Variants in AASS observed in about 807,000 individuals in gnomAD.
AASS encodes aminoadipate-semialdehyde synthase, also known as alpha-aminoadipic semialdehyde synthase, mitochondrial.
AASS carries 86 observed loss-of-function variants against 105.4 expected under a neutral mutation model. The ratio of observed to expected loss-of-function variants is 0.82; its 90% CI spans 0.69 to 0.98. AASS has a LOEUF of 0.98. Ranked by LOEUF, AASS falls within the 50% of genes least tolerant of loss-of-function variation. The probability of loss-of-function intolerance (pLI) is 0.00; values close to 1 mark genes in which losing one functional copy is unlikely to be tolerated. For synonymous variants in AASS, 381 were observed against 394.8 expected (o/e 0.96, Z 0.41); for missense variants, 1,048 against 1,143.2 (o/e 0.92, Z 1.20).
intron 19 of AASS, chr7:122,082,956 A>C: frequency 2.9e-6 from 3 of 1,019,166 alleles, no homozygotes; most frequent in Non-Finnish European, 4.0e-6. Flanking sequence ...GAAAGACCAT[A>C]ATGGTTTATT....
rs118078024 is a variant in AASS at position 122,099,996 on chromosome 7, C to A, written c.1407-1130G>T. Among the ~76,000 whole-genome samples the A allele has an allele frequency of 1.0e-3, 157 of 151,880 alleles. 1 individual carries two copies. The highest frequency in any genetic ancestry group is 2.0e-3 in the Non-Finnish European group (137 of 67,808). On this transcript the variant is annotated intron_variant, in intron 13 of 23. Transcript: ENST00000417368. ...CAAATGCTCAAAACAGAAACTCACTCCTAGATTCTAATACTGTCCAGCCCA... is the reference window on the plus strand; with the variant it reads ...CAAATGCTCAAAACAGAAACTCACTACTAGATTCTAATACTGTCCAGCCCA...
intron 8 of AASS, among the ~76,000 whole-genome samples, chr7:122,115,810 T>C (rs1403450056): frequency 6.6e-6 from 1 of 152,188 alleles, no homozygotes; most frequent in Non-Finnish European, 1.5e-5. Context: ...TAAAGATTTC[T>C]TAGATTCCAA....
intron 3 of AASS, among the ~76,000 whole-genome samples, chr7:122,128,874 T>C (rs1236924645): frequency 1.3e-5 from 2 of 152,074 alleles, no homozygotes; most frequent in African/African-American, 4.8e-5. Flanking sequence ...GTCAGGAGAT[T>C]GAGACGATCC....
chr7:122,116,564 T>G lies in AASS; in HGVS notation c.894+69A>C, dbSNP rs1795186971. Reference sequence around the variant, plus strand: ...AAGCCATTGTACAATTCATAATTTCTCTCCTTGAAAATAGCCTACCTACAC... The same window carrying G: ...AAGCCATTGTACAATTCATAATTTCGCTCCTTGAAAATAGCCTACCTACAC... On this transcript the variant is annotated intron_variant, in intron 8 of 23. Transcript: ENST00000417368. 3 of 1,595,754 alleles carry G rather than the reference T, an allele frequency of 1.9e-6. No individual in the cohort carries two copies. The South Asian group carries it at 3.3e-5, about 18-fold the overall frequency.
intron 4 of AASS, among the ~76,000 whole-genome samples, chr7:122,125,474 C>T (rs1207871491): frequency 1.3e-5 from 2 of 152,090 alleles, no homozygotes; most frequent in African/African-American, 2.4e-5. Context: ...AAGAATACAC[C>T]GAACAAAAGA....
At chr7:122,081,339 A>T (rs1793310981) in intron 20 of AASS, among the ~76,000 whole-genome samples, 161 bp downstream of exon 20, 1 of 152,196 alleles carries the variant, frequency 6.6e-6, no homozygotes, top group Non-Finnish European at 1.5e-5. Flanking sequence ...CCATTCTTCC[A>T]CAACAGTGAA....
chr7:122,111,891 G>A (rs964491537), intron 11 of AASS, among the ~76,000 whole-genome samples: 10 of 152,070 alleles, frequency 6.6e-5, no homozygotes, highest in African/African-American at 9.7e-5. Context: ...GCAACAGGGC[G>A]AGAATCTGTC....
chr7:122,110,842 T>A (rs1794899381), intron 11 of AASS, among the ~76,000 whole-genome samples: 1 of 151,870 alleles, frequency 6.6e-6, no homozygotes, highest in Non-Finnish European at 1.5e-5. Flanking sequence ...GTTGGTATAT[T>A]TCTTAGCAAC....
In AASS at chr7:122,079,662, A is replaced by T. The variant is rs768754202; in HGVS notation, c.2331T>A (p.Asp777Glu). 11 of 1,613,832 alleles carry T rather than the reference A, an allele frequency of 6.8e-6. No individual in the cohort carries two copies. The South Asian group carries it at 8.8e-5, about 13-fold the overall frequency. The change falls in exon 21 of 24, where the codon GAT becomes GAA. Residue 777 changes from aspartate to glutamate, a missense_variant. Physicochemically the swap from Asp to Glu is conservative, Grantham distance 45. Transcript: ENST00000417368. ...LVGISPSSEHDVLKEAVLKKL... is the reference protein window; with the variant it reads ...LVGISPSSEHEVLKEAVLKKL... ...TCTTAAGAACAGCTTCCTTCAACACATCATGCTCAGAGGAGGGTGAAATCC... is the reference window on the plus strand; with the variant it reads ...TCTTAAGAACAGCTTCCTTCAACACTTCATGCTCAGAGGAGGGTGAAATCC...
intron 1 of AASS, among the ~76,000 whole-genome samples, chr7:122,140,714 A>C (rs989838546): frequency 1.3e-5 from 2 of 151,918 alleles, no homozygotes; most frequent in East Asian, 3.9e-4. Context: ...AAAACTATCA[A>C]ATCACACGGG....
chr7:122,077,276 A>G (rs1380966294), intron 23 of AASS, among the ~76,000 whole-genome samples: 1 of 152,036 alleles, frequency 6.6e-6, no homozygotes, highest in Non-Finnish European at 1.5e-5. Context: ...TTCTAGGGAG[A>G]GTGGAGGAAT....
intron 7 of AASS, 28 bp from the exon 8 acceptor site, chr7:122,116,788 G>C: frequency 6.2e-7 from 1 of 1,613,760 alleles, no homozygotes; most frequent in Non-Finnish European, 8.5e-7. Context: ...AATTAGTAAA[G>C]TGGGTGACAA....
chr7:122,102,623 T>C (rs1193469548), intron 11 of AASS, among the ~76,000 whole-genome samples: 1 of 152,056 alleles, frequency 6.6e-6, no homozygotes, highest in Non-Finnish European at 1.5e-5. Context: ...ATGGTTTTCA[T>C]GTATCTAAAA....
intron 19 of AASS, among the ~76,000 whole-genome samples, chr7:122,085,807 G>A (rs1793594988): frequency 5.9e-5 from 9 of 152,072 alleles, no homozygotes; most frequent in Non-Finnish European, 2.9e-5. Context: ...AGCCCTGCCT[G>A]TCCCCAACTC....
At position 122,134,960 on chromosome 7, in the gene AASS, T is replaced by G. The variant is rs956912066; in HGVS notation, c.-15-1219A>C. On this transcript the variant is annotated intron_variant, in intron 1 of 23. Transcript: ENST00000417368. ...TATGCAGCCATAAAAAAGGATGAGT[T>G]CATGTCCTTTGTAGGGACATGGATG... 4.6e-5 allele frequency among the ~76,000 whole-genome samples: 7 copies of G among 152,268 alleles called. No individual in the cohort carries two copies. The East Asian group carries it at 1.4e-3, about 29-fold the overall frequency.
At chr7:122,130,856 T>A (rs993863641) in intron 2 of AASS, among the ~76,000 whole-genome samples, 25 of 152,016 alleles carry the variant, frequency 1.6e-4, no homozygotes, top group African/African-American at 3.9e-4. Flanking sequence ...GGAGTACTTA[T>A]CACACAGCCA....
chr7:122,076,258 C>T lies in AASS; in HGVS notation c.*231G>A, dbSNP rs960897929. 23 of 471,088 alleles carry T rather than the reference C, an allele frequency of 4.9e-5. No homozygotes were observed. Among genetic ancestry groups the T allele is most frequent in the African/African-American group, 1.6e-4 (8 of 51,002 alleles). 29.2% of individuals were successfully genotyped at this position (471,088 alleles called of 1,614,324 possible). On this transcript the variant is annotated 3_prime_UTR_variant, in exon 24 of 24. Coordinates refer to ENST00000417368, the MANE Select transcript of AASS (RefSeq NM_005763.4). ...ATAGCATGATCATCACTTTCACATA[C>T]GTATTTATAAAATACAGGGTAGAAT...
intron 13 of AASS, among the ~76,000 whole-genome samples, chr7:122,101,103 CAATCCTTTTGG>C (rs1349871647): frequency 6.6e-6 from 1 of 151,772 alleles, no homozygotes; most frequent in East Asian, 1.9e-4. Context: ...ACCTGAAGGA[CAATCCTTTTGG>C]ATTTTTGCTT....
chr7:122,081,807 A>G, intron 19 of AASS: 2 of 557,730 alleles, frequency 3.6e-6, no homozygotes, highest in Middle Eastern at 4.9e-4. Context: ...AAAAGTATTG[A>G]GGATATAGAT....
Sources: gnomAD v4.1 joint callset for allele counts (sites outside exome capture counted in the v4.1 genomes callset) on GRCh38, gnomAD v4.1.1 for gene constraint, MANE v1.5 for transcripts, NCBI Gene and HGNC (gene_info 2026-07-23, HGNC 2026-07-21) for gene names.